MLLT3: variants seen among roughly 807,000 people sequenced by gnomAD.
The protein encoded by MLLT3 is MLLT3 super elongation complex subunit.
A neutral mutation model predicts 53.2 loss-of-function variants in MLLT3; 4 were observed. The ratio of observed to expected loss-of-function variants is 0.08; its 90% CI spans 0.04 to 0.17. The LOEUF (loss-of-function observed/expected upper bound fraction) is 0.17, where lower values mean the gene tolerates loss of function less well. Among genes scored for constraint, MLLT3 ranks in the 10% least tolerant of loss-of-function variants. MLLT3 has a pLI of 1.00. For synonymous variants in MLLT3, 283 were observed against 230.6 expected, an observed-to-expected ratio of 1.23 and a Z score of -2.06; for missense variants, 569 against 684.0, an observed-to-expected ratio of 0.83 and a Z score of 1.87.
intron 5 of MLLT3, among the ~76,000 whole-genome samples, chr9:20,382,903 TA>T (rs57566026): frequency 0.15 from 23,264 of 151,830 alleles, 4,488 homozygotes; most frequent in African/African-American, 0.45. Flanking sequence ...TGGGTATTTT[TA>T]AACTGTAAGA....
intron 5 of MLLT3, among the ~76,000 whole-genome samples, chr9:20,391,757 C>CT (rs1822186576): frequency 6.6e-6 from 1 of 152,144 alleles, no homozygotes; most frequent in African/African-American, 2.4e-5. Flanking sequence ...ATACACAATT[C>CT]TTTGTCACTA....
At chr9:20,617,600 T>G (rs1359105034) in intron 2 of MLLT3, among the ~76,000 whole-genome samples, 1 of 152,202 alleles carries the variant, frequency 6.6e-6, no homozygotes, top group African/African-American at 2.4e-5. Context: ...GACTATTCAT[T>G]TCAGTCATAT....
intron 2 of MLLT3, among the ~76,000 whole-genome samples, chr9:20,496,670 T>C (rs764173017): frequency 8.5e-5 from 13 of 152,236 alleles, no homozygotes; most frequent in Non-Finnish European, 1.0e-4. Flanking sequence ...TCTTCCAGTA[T>C]GGTTCTAGGT....
intron 4 of MLLT3, among the ~76,000 whole-genome samples, chr9:20,425,672 G>C (rs922343104): frequency 2.0e-5 from 3 of 151,906 alleles, no homozygotes; most frequent in African/African-American, 7.2e-5. Flanking sequence ...TACAGACGTA[G>C]CTTCTTACTA....
At chr9:20,518,042 G>A (rs1253676150) in intron 2 of MLLT3, among the ~76,000 whole-genome samples, 2 of 152,074 alleles carry the variant, frequency 1.3e-5, no homozygotes, top group Admixed American at 6.5e-5. Context: ...TGCTATGAAT[G>A]AATGAATGAA....
At chr9:20,442,574 G>C (rs562545354) in intron 4 of MLLT3, among the ~76,000 whole-genome samples, 1 of 152,166 alleles carries the variant, frequency 6.6e-6, no homozygotes, top group South Asian at 2.1e-4. Context: ...CCCTACAAAG[G>C]AAACACTAAA....
intron 5 of MLLT3, among the ~76,000 whole-genome samples, chr9:20,371,362 G>C (rs1821596248): frequency 6.6e-6 from 1 of 152,228 alleles, no homozygotes; most frequent in South Asian, 2.1e-4. Context: ...ATGCCATCTA[G>C]AGCTTTCATA....
intron 2 of MLLT3, among the ~76,000 whole-genome samples, chr9:20,556,528 T>C (rs1390921345): frequency 2.0e-5 from 3 of 151,516 alleles, no homozygotes; most frequent in African/African-American, 7.3e-5. Context: ...ACTAAAAACA[T>C]AAAAATTAGC....
At chr9:20,445,116 C>A (rs111948051) in intron 4 of MLLT3, among the ~76,000 whole-genome samples, 3 of 151,918 alleles carry the variant, frequency 2.0e-5, no homozygotes, top group African/African-American at 4.8e-5. Context: ...GTTCGTCGGG[C>A]TAGATCTTAA....
At chr9:20,590,189 T>G (rs1205106184) in intron 2 of MLLT3, among the ~76,000 whole-genome samples, 2 of 152,172 alleles carry the variant, frequency 1.3e-5, no homozygotes, top group African/African-American at 2.4e-5. Flanking sequence ...CACATTTCAA[T>G]GGGCGTCAAC....
chr9:20,454,097 T>A (rs540030666), intron 3 of MLLT3, among the ~76,000 whole-genome samples: 2 of 152,350 alleles, frequency 1.3e-5, no homozygotes, highest in East Asian at 3.9e-4. Context: ...TCTCATATGC[T>A]GCTTTCTTCC....
chr9:20,548,823 A>ATT (rs11448186), intron 2 of MLLT3, among the ~76,000 whole-genome samples: 30 of 146,844 alleles, frequency 2.0e-4, no homozygotes, highest in East Asian at 4.0e-4. Flanking sequence ...TTGCTCAAAG[A>ATT]TTTTTTTTTT....
chr9:20,366,299 G>C (rs1821449519), intron 5 of MLLT3, among the ~76,000 whole-genome samples: 1 of 152,122 alleles, frequency 6.6e-6, no homozygotes. Flanking sequence ...TGCGGTGTTT[G>C]GTTTTCTGTT....
intron 4 of MLLT3, among the ~76,000 whole-genome samples, chr9:20,428,564 G>T (rs1043599919): frequency 2.0e-5 from 3 of 151,996 alleles, no homozygotes; most frequent in African/African-American, 7.2e-5. Flanking sequence ...AATAGGACTT[G>T]AAAAAATTTT....
intron 2 of MLLT3, among the ~76,000 whole-genome samples, chr9:20,608,718 A>G (rs1274675853): frequency 6.6e-6 from 1 of 151,946 alleles, no homozygotes; most frequent in East Asian, 1.9e-4. Context: ...TCATGTTCCA[A>G]ATTACTTGTA....
intron 2 of MLLT3, among the ~76,000 whole-genome samples, chr9:20,507,744 A>G (rs1825419567): frequency 7.0e-6 from 1 of 143,068 alleles, no homozygotes; most frequent in South Asian, 2.1e-4. Flanking sequence ...CCAAAATGGA[A>G]AAAAAAAAAA....
At chr9:20,561,475 A>G (rs1301337200) in intron 2 of MLLT3, among the ~76,000 whole-genome samples, 3 of 152,316 alleles carry the variant, frequency 2.0e-5, no homozygotes, top group East Asian at 1.9e-4. Context: ...TTATCCTTCT[A>G]TGCTAATGAT....
At chr9:20,580,223 G>C (rs1179699254) in intron 2 of MLLT3, among the ~76,000 whole-genome samples, 1 of 150,408 alleles carries the variant, frequency 6.6e-6, no homozygotes, top group Non-Finnish European at 1.5e-5. Context: ...CATTTAATTA[G>C]CATTAACTCT....
chr9:20,388,899 T>C (rs953917445), intron 5 of MLLT3, among the ~76,000 whole-genome samples: 1 of 152,176 alleles, frequency 6.6e-6, no homozygotes, highest in African/African-American at 2.4e-5. Context: ...TCCCTCAACA[T>C]ATATCAGAAT....
Sources: allele counts gnomAD v4.1 joint callset (sites outside exome capture counted in the v4.1 genomes callset), GRCh38; gene constraint gnomAD v4.1.1; transcripts MANE v1.5; gene names NCBI Gene and HGNC (gene_info 2026-07-23, HGNC 2026-07-21).